PI4K2B: variants seen among roughly 807,000 people sequenced by gnomAD.
PI4K2B encodes the protein phosphatidylinositol 4-kinase type 2-beta.
A neutral mutation model predicts 56.6 loss-of-function variants in PI4K2B; 46 were observed. The ratio of observed to expected loss-of-function variants is 0.81; its 90% CI spans 0.64 to 1.04. The LOEUF (loss-of-function observed/expected upper bound fraction) is 1.04. Ranked by LOEUF, PI4K2B falls within the 50% of genes least tolerant of loss-of-function variation. PI4K2B has a pLI of 0.00. For synonymous variants in PI4K2B, 211 were observed against 223.8 expected (o/e 0.94, Z 0.51); for missense variants, 556 against 607.7 (o/e 0.91, Z 0.89).
chr4:25,263,552 A>G (rs1716553785), intron 6 of PI4K2B, among the ~76,000 whole-genome samples, 198 bp from the exon 7 acceptor site: 2 of 152,170 alleles, frequency 1.3e-5, no homozygotes. Context: ...TTTAAAAAAT[A>G]GTGGTTAGGA....
At chr4:25,237,972 TAGAG>T (rs963238090) in intron 1 of PI4K2B, among the ~76,000 whole-genome samples, 1 of 152,222 alleles carries the variant, frequency 6.6e-6, no homozygotes, top group African/African-American at 2.4e-5. Flanking sequence ...TAGCTCCTGT[TAGAG>T]AGCCTAACAG....
chr4:25,262,519 A>G (rs963992888), intron 6 of PI4K2B, among the ~76,000 whole-genome samples: 1 of 152,204 alleles, frequency 6.6e-6, no homozygotes, highest in African/African-American at 2.4e-5. Context: ...CGTACCTCAC[A>G]TCAGCCTTCA....
intron 1 of PI4K2B, among the ~76,000 whole-genome samples, chr4:25,245,322 C>G (rs140148851): frequency 1.3e-5 from 2 of 152,004 alleles, no homozygotes; most frequent in African/African-American, 4.8e-5. Context: ...AGAAGAGAGG[C>G]GAGAGGAAGT....
In PI4K2B at chr4:25,256,566, A is replaced by T; in HGVS notation, c.648A>T (p.Thr216=). 6.2e-7 allele frequency: 1 copy of T among 1,613,636 alleles called. No homozygotes were observed. Among genetic ancestry groups the T allele is most frequent in the Non-Finnish European group, 8.5e-7 (1 of 1,179,852 alleles). ...KTKVVWLVSE[T]FNYNAIDRAK... ...AGGTGGTTTGGCTTGTCAGTGAGAC[A>T]TTTAACTATAATGCGATTGACCGTG... Residue 216 remains threonine, a synonymous_variant, in exon 4 of 10, where the codon ACA becomes ACT. Transcript: ENST00000264864.
intron 6 of PI4K2B, among the ~76,000 whole-genome samples, chr4:25,263,417 T>C (rs1716550245): frequency 6.6e-6 from 1 of 152,196 alleles, no homozygotes; most frequent in Admixed American, 6.5e-5. Context: ...TTTTACATCA[T>C]ACATTTAAGC....
In PI4K2B at chr4:25,243,995, T is replaced by G. The variant is rs184878746; in HGVS notation, c.269-8326T>G. Among the ~76,000 whole-genome samples the G allele has an allele frequency of 7.7e-4, 117 of 152,264 alleles. No homozygotes were observed. In the East Asian group the frequency reaches 0.015, roughly 20 times the overall value. The stretch of plus-strand genomic sequence containing the variant: ...CCAAACTCTTGGGCTGCATCTAAAG[T>G]CACATTCTTCTCATTAAAGGCCAGG... On this transcript the variant is annotated intron_variant, in intron 1 of 9. Coordinates refer to ENST00000264864, the MANE Select transcript of PI4K2B (RefSeq NM_018323.4).
intron 3 of PI4K2B, 96 bp from the exon 4 acceptor site, chr4:25,256,447 T>G: frequency 8.5e-7 from 1 of 1,174,432 alleles, no homozygotes; most frequent in African/African-American, 1.6e-5. Context: ...GATTAAACTT[T>G]GCTAATTTTC....
intron 2 of PI4K2B, among the ~76,000 whole-genome samples, chr4:25,254,822 G>T (rs1476740016): frequency 6.6e-6 from 1 of 152,140 alleles, no homozygotes; most frequent in African/African-American, 2.4e-5. Context: ...CCTTCCCAGG[G>T]TTTGTCAGAG....
intron 7 of PI4K2B, chr4:25,267,942 C>T (rs1052427901): frequency 1.2e-5 from 10 of 827,758 alleles, no homozygotes; most frequent in Admixed American, 6.2e-5. Flanking sequence ...AATCTGTGCC[C>T]GGGTGCGGTG....
intron 1 of PI4K2B, among the ~76,000 whole-genome samples, chr4:25,244,877 G>A (rs1342082130): frequency 6.6e-6 from 1 of 152,104 alleles, no homozygotes; most frequent in African/African-American, 2.4e-5. Flanking sequence ...GACCCTTACC[G>A]ACGCATTCTC....
intron 1 of PI4K2B, among the ~76,000 whole-genome samples, chr4:25,243,316 G>A (rs1715611789): frequency 6.6e-6 from 1 of 152,200 alleles, no homozygotes. Context: ...TCGGCATAGT[G>A]GACATGGATG....
At chr4:25,255,926 GTTCTT>G (rs1172894893) in intron 3 of PI4K2B, among the ~76,000 whole-genome samples, 1 of 150,814 alleles carries the variant, frequency 6.6e-6, no homozygotes, top group Non-Finnish European at 1.5e-5. Flanking sequence ...CATCCTTTCT[GTTCTT>G]TTCTTTTTTT....
chr4:25,240,335 A>G (rs1423524133), intron 1 of PI4K2B, among the ~76,000 whole-genome samples: 1 of 152,168 alleles, frequency 6.6e-6, no homozygotes, highest in Non-Finnish European at 1.5e-5. Flanking sequence ...GCTGCCAAAG[A>G]GTCTATTTGG....
chr4:25,245,667 G>A (rs929584748), intron 1 of PI4K2B, among the ~76,000 whole-genome samples: 1 of 152,134 alleles, frequency 6.6e-6, no homozygotes, highest in Non-Finnish European at 1.5e-5. Flanking sequence ...CAGGTGCCCG[G>A]TATTTAGCCC....
chr4:25,268,514 C>T lies in PI4K2B; in HGVS notation c.1150C>T (p.Pro384Ser). Reference protein sequence around the residue: ...FSEEIRNLILPYISDMNFVQD... With the variant: ...FSEEIRNLILSYISDMNFVQD... ...TGAAGAAATAAGAAATTTGATTCTA[C>T]CATATATTTCTGACATGAACTTTGT... Residue 384 changes from proline (P) to serine (S), a missense_variant, in exon 8 of 10, where the codon CCA (proline) becomes TCA (serine). Transcript: ENST00000264864. 9 of 1,595,850 alleles carry T rather than the reference C, an allele frequency of 5.6e-6. No homozygotes were observed. The highest frequency in any genetic ancestry group is 7.7e-6 in the Non-Finnish European group (9 of 1,166,976).
At chr4:25,256,294 C>T (rs982665280) in intron 3 of PI4K2B, among the ~76,000 whole-genome samples, 1 of 152,226 alleles carries the variant, frequency 6.6e-6, no homozygotes, top group Non-Finnish European at 1.5e-5. Context: ...CAGTTCAATA[C>T]TGTTACTTTG....
At chr4:25,254,354 T>A in intron 2 of PI4K2B, 1 of 810,062 alleles carries the variant, frequency 1.2e-6, no homozygotes, top group Non-Finnish European at 1.5e-6. Context: ...AGATAGTGAA[T>A]AATAACACTG....
chr4:25,243,661 A>G (rs1028595910), intron 1 of PI4K2B, among the ~76,000 whole-genome samples: 2 of 152,166 alleles, frequency 1.3e-5, no homozygotes, highest in Admixed American at 1.3e-4. Flanking sequence ...GAATCAATTG[A>G]CCCTCGAGTG....
At chr4:25,239,786 G>T (rs1399768094) in intron 1 of PI4K2B, among the ~76,000 whole-genome samples, 1 of 152,226 alleles carries the variant, frequency 6.6e-6, no homozygotes, top group Non-Finnish European at 1.5e-5. Context: ...CCAGCACACT[G>T]TCACCTCTCA....
Sources: gnomAD v4.1 joint callset for allele counts (sites outside exome capture counted in the v4.1 genomes callset) on GRCh38, gnomAD v4.1.1 for gene constraint, MANE v1.5 for transcripts, NCBI Gene and HGNC (gene_info 2026-07-23, HGNC 2026-07-21) for gene names.